TMEM178B: variants seen among roughly 807,000 people sequenced by gnomAD.
The protein encoded by TMEM178B is transmembrane protein 178B.
In TMEM178B, 5 loss-of-function variants were observed where a neutral mutation model predicts 31.0. The observed-to-expected ratio is 0.16, with a 90% CI of 0.08 to 0.34. The LOEUF is 0.34. Among genes scored for constraint, TMEM178B ranks in the 10% least tolerant of loss-of-function variants. The pLI, the probability that TMEM178B is intolerant of heterozygous loss-of-function variation, is 1.00. For synonymous variants in TMEM178B, 164 were observed against 164.0 expected (o/e 1.00, Z 0.00); for missense variants, 275 against 400.3 (o/e 0.69, Z 2.67).
chr7:141,300,807 C>A (rs1050005012), intron 2 of TMEM178B, among the ~76,000 whole-genome samples: 1 of 152,158 alleles, frequency 6.6e-6, no homozygotes, highest in African/African-American at 2.4e-5. Flanking sequence ...GTTGCCAGAC[C>A]CCATTCCCAT....
intron 2 of TMEM178B, among the ~76,000 whole-genome samples, chr7:141,388,676 A>G (rs926602273): frequency 2.6e-5 from 4 of 152,092 alleles, no homozygotes; most frequent in East Asian, 3.9e-4. Context: ...ATTTTTTCCC[A>G]CCAATCACTG....
intron 2 of TMEM178B, among the ~76,000 whole-genome samples, chr7:141,254,575 A>G (rs1797894381): frequency 6.6e-6 from 1 of 152,054 alleles, no homozygotes; most frequent in South Asian, 2.1e-4. Context: ...AAAATTAGCC[A>G]GGCGTGGTGG....
intron 2 of TMEM178B, among the ~76,000 whole-genome samples, chr7:141,280,096 T>C (rs1798331576): frequency 6.6e-6 from 1 of 152,238 alleles, no homozygotes. Flanking sequence ...GGTGCCGTTC[T>C]GAACAAATAA....
chr7:141,390,103 A>C (rs1170736747), intron 2 of TMEM178B, among the ~76,000 whole-genome samples: 1 of 151,730 alleles, frequency 6.6e-6, no homozygotes, highest in Non-Finnish European at 1.5e-5. Flanking sequence ...TCAGGTTAAA[A>C]TTCCCTTTTT....
chr7:141,099,771 G>A (rs776274825), intron 1 of TMEM178B, among the ~76,000 whole-genome samples: 2 of 151,744 alleles, frequency 1.3e-5, no homozygotes, highest in Admixed American at 6.6e-5. Flanking sequence ...ATCCAGCTCT[G>A]CTGTTTACCT....
chr7:141,339,547 A>T (rs767301071), intron 2 of TMEM178B, among the ~76,000 whole-genome samples: 2 of 152,216 alleles, frequency 1.3e-5, no homozygotes, highest in Non-Finnish European at 2.9e-5. Flanking sequence ...AGCAAAGGAG[A>T]TTTTTTAAAA....
the TMEM178B span, among the ~76,000 whole-genome samples, chr7:141,505,689 C>G: frequency 6.6e-6 from 1 of 152,214 alleles, no homozygotes; most frequent in Non-Finnish European, 1.5e-5. Context: ...TTTTCTTTCT[C>G]TACTGGCTCT....
At chr7:141,156,908 G>T (rs1796079229) in intron 1 of TMEM178B, among the ~76,000 whole-genome samples, 3 of 152,154 alleles carry the variant, frequency 2.0e-5, no homozygotes, top group Non-Finnish European at 2.9e-5. Flanking sequence ...TGAGGGATTT[G>T]GGGTAGGTCA....
chr7:141,146,426 C>A (rs2129179904), intron 1 of TMEM178B, among the ~76,000 whole-genome samples: 1 of 152,334 alleles, frequency 6.6e-6, no homozygotes, highest in East Asian at 1.9e-4. Context: ...ACCCTGGACT[C>A]TGATAGCCTG....
intron 2 of TMEM178B, among the ~76,000 whole-genome samples, chr7:141,279,139 G>C (rs1433588714): frequency 6.6e-6 from 1 of 152,174 alleles, no homozygotes; most frequent in Non-Finnish European, 1.5e-5. Context: ...TTGGGCCAGA[G>C]AACTTCCTAG....
chr7:141,076,853 C>T (rs1452248802), intron 1 of TMEM178B, among the ~76,000 whole-genome samples: 4 of 152,146 alleles, frequency 2.6e-5, no homozygotes, highest in East Asian at 3.8e-4. Flanking sequence ...TCACTGTCAG[C>T]GGCAAGCACC....
At chr7:141,368,104 A>G (rs561663533) in intron 2 of TMEM178B, among the ~76,000 whole-genome samples, 62 of 152,328 alleles carry the variant, frequency 4.1e-4, no homozygotes, top group Non-Finnish European at 7.9e-4. Context: ...AGATCACTTA[A>G]GGTCAGGAGT....
intron 2 of TMEM178B, among the ~76,000 whole-genome samples, chr7:141,341,647 A>T (rs1047115647): frequency 6.6e-6 from 1 of 152,112 alleles, no homozygotes; most frequent in Non-Finnish European, 1.5e-5. Context: ...TGGGATGACC[A>T]CTAAGGGCTC....
the TMEM178B span, among the ~76,000 whole-genome samples, chr7:141,490,643 G>C: frequency 6.6e-6 from 1 of 152,250 alleles, no homozygotes; most frequent in Non-Finnish European, 1.5e-5. Context: ...TACACCTATT[G>C]AGTGTGTAGA....
At chr7:141,153,875 G>T (rs1189560896) in intron 1 of TMEM178B, among the ~76,000 whole-genome samples, 1 of 152,064 alleles carries the variant, frequency 6.6e-6, no homozygotes, top group Non-Finnish European at 1.5e-5. Flanking sequence ...TTAACATACA[G>T]AAGTTTTAAA....
In TMEM178B at chr7:141,130,776, T is replaced by C. The variant is rs113733867; in HGVS notation, c.382+56084T>C. 6.4e-3 allele frequency among the ~76,000 whole-genome samples: 980 copies of C among 152,300 alleles called. 12 individuals carry two copies. The highest frequency in any genetic ancestry group is 0.022 in the African/African-American group (895 of 41,568). On this transcript the variant is annotated intron_variant, in intron 1 of 3. Coordinates refer to ENST00000565468, the MANE Select transcript of TMEM178B (RefSeq NM_001195278.2). The stretch of plus-strand genomic sequence containing the variant: ...ACTATATTCCAGGAATTATACTAAG[T>C]AATTAACTAAATGCTCTATCACCAT...
chr7:141,374,624 G>A (rs960085987), intron 2 of TMEM178B, among the ~76,000 whole-genome samples: 1 of 152,162 alleles, frequency 6.6e-6, no homozygotes, highest in South Asian at 2.1e-4. Context: ...CTGCGAAACC[G>A]CCTCTTCCCG....
At chr7:141,145,519 A>G (rs1203868174) in intron 1 of TMEM178B, among the ~76,000 whole-genome samples, 1 of 152,204 alleles carries the variant, frequency 6.6e-6, no homozygotes, top group African/African-American at 2.4e-5. Flanking sequence ...TGTCTCCTAT[A>G]AAAGAAGCTT....
intron 1 of TMEM178B, among the ~76,000 whole-genome samples, chr7:141,127,673 G>A (rs763182062): frequency 6.6e-6 from 1 of 152,174 alleles, no homozygotes; most frequent in African/African-American, 2.4e-5. Context: ...AATTGTGAGA[G>A]AGTAGATTTC....
Sources: allele counts gnomAD v4.1 joint callset (sites outside exome capture counted in the v4.1 genomes callset), GRCh38; gene constraint gnomAD v4.1.1; transcripts MANE v1.5; gene names NCBI Gene and HGNC (gene_info 2026-07-23, HGNC 2026-07-21).